The following LZTS1 variants were observed in gnomAD, a reference collection of about 807,000 sequenced individuals.
LZTS1 encodes the protein leucine zipper putative tumor suppressor 1.
A neutral mutation model predicts 45.8 loss-of-function variants in LZTS1; 31 were observed. That is an observed-to-expected ratio of 0.68 (90% CI 0.51 to 0.91). The LOEUF (loss-of-function observed/expected upper bound fraction) is 0.91. Ranked by LOEUF, LZTS1 falls within the 40% of genes least tolerant of loss-of-function variation. LZTS1 has a pLI of 0.00. For missense variants in LZTS1, 821 were observed against 788.9 expected, an observed-to-expected ratio of 1.04 and a Z score of -0.49; for synonymous variants, 359 against 357.3, an observed-to-expected ratio of 1.00 and a Z score of -0.05.
Position 20,253,562 on chromosome 8 carries a change from CCT to C in LZTS1, c.367_368del (p.Arg123AlafsTer114). 1 of 1,470,252 alleles carries C rather than the reference CCT, an allele frequency of 6.8e-7. No individual in the cohort carries two copies. The highest frequency in any genetic ancestry group is 9.0e-7 in the Non-Finnish European group (1 of 1,112,816). 91.1% of individuals were successfully genotyped at this position (1,470,252 alleles called of 1,614,324 possible). ...GCAGCACAGGCTTGAAGGCTGTGGG[CCT>C]CACTGCACCCTTCTCGGAGCCCTGT... Reference protein sequence around the residue: ...LEMGSEKGAVRPTAFKPVLPR... With the variant: ...LEMGSEKGAVXPTAFKPVLPR... On this transcript the variant is annotated frameshift_variant, in exon 3 of 4. Coordinates refer to ENST00000381569, the MANE Select transcript of LZTS1 (RefSeq NM_021020.5). LOFTEE classifies it high-confidence loss of function.
At chr8:20,283,063 G>C (rs2128897665) in intron 1 of LZTS1, among the ~76,000 whole-genome samples, 1 of 152,316 alleles carries the variant, frequency 6.6e-6, no homozygotes, top group South Asian at 2.1e-4. Flanking sequence ...GGCTTGAGAA[G>C]AGCTCTGGAG....
chr8:20,253,310 C>A lies in LZTS1; in HGVS notation c.621G>T (p.Gly207=). ...VTPVGPTSRF[G]GSAHNITQGI... ...CCTGGGTGATGTTGTGGGCGGAGCC[C>A]CCAAAACGGCTTGTGGGTCCCACGG... The change falls in exon 3 of 4, where the codon GGG becomes GGT. Residue 207 remains glycine, a synonymous_variant. Coordinates refer to ENST00000381569, the MANE Select transcript of LZTS1 (RefSeq NM_021020.5). The A allele has an allele frequency of 6.2e-7, 1 of 1,614,070 alleles. No individual in the cohort carries two copies. The highest frequency in any genetic ancestry group is 1.1e-5 in the South Asian group (1 of 91,090).
At chr8:20,265,314 G>C (rs563384595) in intron 1 of LZTS1, among the ~76,000 whole-genome samples, 1 of 152,110 alleles carries the variant, frequency 6.6e-6, no homozygotes, top group Non-Finnish European at 1.5e-5. Flanking sequence ...CCAGGGTAGC[G>C]GCATGGCAGG....
chr8:20,253,101 A>G lies in LZTS1; in HGVS notation c.830T>C (p.Leu277Pro). 6.2e-7 allele frequency: 1 copy of G among 1,610,514 alleles called. No homozygotes were observed. The highest frequency in any genetic ancestry group is 8.5e-7 in the Non-Finnish European group (1 of 1,178,758). ...EQKLLEREGA[L>P]QKLQRSFEEK... ...CTCAAAGCTGCGCTGCAGCTTCTGG[A>G]GGGCGCCCTCCCTCTCCAACAGCTT... Residue 277 changes from leucine to proline, a missense_variant, in exon 3 of 4, where the codon CTC (leucine) becomes CCC (proline). Physicochemically the swap from Leu to Pro is moderately conservative, Grantham distance 98. Transcript: ENST00000381569.
chr8:20,257,604 G>A (rs756809824), intron 1 of LZTS1, among the ~76,000 whole-genome samples: 13 of 152,072 alleles, frequency 8.5e-5, no homozygotes, highest in South Asian at 2.1e-4. Flanking sequence ...CTATGACATG[G>A]AAGGTAAACT....
At chr8:20,288,894 G>C (rs1192526628) in intron 1 of LZTS1, among the ~76,000 whole-genome samples, 1 of 151,840 alleles carries the variant, frequency 6.6e-6, no homozygotes, top group African/African-American at 2.4e-5. Context: ...CTGGAGCTAT[G>C]GGTAGTACCC....
At chr8:20,278,325 A>G (rs1800624025) in intron 1 of LZTS1, among the ~76,000 whole-genome samples, 1 of 152,170 alleles carries the variant, frequency 6.6e-6, no homozygotes, top group Non-Finnish European at 1.5e-5. Context: ...GCATGCACAC[A>G]ACTTCAGTAA....
chr8:20,271,124 CCAA>C (rs1359060444), intron 1 of LZTS1, among the ~76,000 whole-genome samples: 34 of 152,204 alleles, frequency 2.2e-4, no homozygotes, highest in African/African-American at 7.5e-4. Flanking sequence ...GTGGCCATTC[CCAA>C]CGAGTCTCTA....
chr8:20,252,989 G>A lies in LZTS1; in HGVS notation c.942C>T (p.Gly314=). 1 of 1,588,442 alleles carries A rather than the reference G, an allele frequency of 6.3e-7. No individual in the cohort carries two copies. Among genetic ancestry groups the A allele is most frequent in the Non-Finnish European group, 8.6e-7 (1 of 1,167,594 alleles). ...DELEGPEPKG[G]NKLKQASQKS... is the part of the protein sequence containing the mutation. ...TCTGCGAGGCCTGCTTGAGCTTGTT[G>A]CCGCCTTTGGGCTCCGGGCCCTCCA... The change falls in exon 3 of 4, where the codon GGC becomes GGT. Residue 314 remains glycine (G), a synonymous_variant. Transcript: ENST00000381569.
chr8:20,303,954 C>A lies in LZTS1; in HGVS notation c.-349G>T. On this transcript the variant is annotated 5_prime_UTR_variant, in exon 1 of 4. Coordinates refer to ENST00000381569, the MANE Select transcript of LZTS1 (RefSeq NM_021020.5). ...GCCAACCCGCCAGCTCCAGGCGCGC[C>A]GGCCTCTGCGCGGGTCCCGGAGCCG... The A allele has an allele frequency of 1.0e-6, 1 of 964,684 alleles. No individual in the cohort carries two copies. The highest frequency in any genetic ancestry group is 1.2e-6 in the Non-Finnish European group (1 of 812,524). The allele number at this position is 964,684 out of a possible 1,614,324, so 59.8% of individuals were successfully genotyped here.
chr8:20,287,552 C>T (rs746682329), intron 1 of LZTS1, among the ~76,000 whole-genome samples: 6 of 152,176 alleles, frequency 3.9e-5, no homozygotes, highest in Non-Finnish European at 7.3e-5. Context: ...GAATCTGTGC[C>T]GTCTTCAGGG....
rs564574121 is a variant in LZTS1 at position 20,261,080 on chromosome 8, A to G, written c.-134-5765T>C. On this transcript the variant is annotated intron_variant, in intron 1 of 3. Transcript: ENST00000381569. ...CCATAAGGACAGGGTCAACAGACAC[A>G]TTTTTATTTCTGGGAAACAAATTCC... 4.6e-5 allele frequency among the ~76,000 whole-genome samples: 7 copies of G among 152,256 alleles called. No homozygotes were observed. In the South Asian group the frequency reaches 1.4e-3, roughly 32 times the overall value.
In LZTS1 at chr8:20,255,093, T is replaced by C. The variant is rs1319296477; in HGVS notation, c.89A>G (p.His30Arg). 1 of 1,613,996 alleles carries C rather than the reference T, an allele frequency of 6.2e-7. No individual in the cohort carries two copies. Among genetic ancestry groups the C allele is most frequent in the Middle Eastern group, 1.6e-4 (1 of 6,062 alleles). Reference protein sequence around the residue: ...ASQYKLRKSSHLKKLNRYSDG... With the variant: ...ASQYKLRKSSRLKKLNRYSDG... ...GGAATACCGGTTGAGCTTCTTGAGGTGGGAGGACTTGCGCAGCTTGTACTG... is the reference window on the plus strand; with the variant it reads ...GGAATACCGGTTGAGCTTCTTGAGGCGGGAGGACTTGCGCAGCTTGTACTG... The change falls in exon 2 of 4, where the codon CAC becomes CGC. Residue 30 changes from histidine (H) to arginine (R), a missense_variant. Transcript: ENST00000381569.
intron 1 of LZTS1, among the ~76,000 whole-genome samples, chr8:20,301,120 CAAAAAAAAAAA>C (rs71222143): frequency 2.2e-4 from 24 of 107,148 alleles, no homozygotes; most frequent in African/African-American, 6.8e-4. Flanking sequence ...GACTCCGTCT[CAAAAAAAAAAA>C]AAAAAAAAAA....
chr8:20,295,245 C>T (rs1266612904), intron 1 of LZTS1, among the ~76,000 whole-genome samples: 1 of 152,224 alleles, frequency 6.6e-6, no homozygotes, highest in Non-Finnish European at 1.5e-5. Flanking sequence ...CAGGAGAGCC[C>T]ATGTGCCAGG....
chr8:20,253,606 G>A (rs1027253816), intron 2 of LZTS1, 21 bp from the exon 3 acceptor site: 19 of 1,431,374 alleles, frequency 1.3e-5, no homozygotes, highest in East Asian at 2.5e-5. Flanking sequence ...AAAGGACCGC[G>A]GTGACTCATG....
At chr8:20,268,988 G>T (rs1800421509) in intron 1 of LZTS1, among the ~76,000 whole-genome samples, 1 of 152,152 alleles carries the variant, frequency 6.6e-6, no homozygotes, top group Non-Finnish European at 1.5e-5. Context: ...AGCTGCCGGG[G>T]AGTCTTCCTC....
At chr8:20,271,105 A>T (rs778313647) in intron 1 of LZTS1, among the ~76,000 whole-genome samples, 79 of 152,138 alleles carry the variant, frequency 5.2e-4, no homozygotes, top group Non-Finnish European at 1.5e-4. Flanking sequence ...TGCACAAGCC[A>T]GGAAGCCTGT....
intron 1 of LZTS1, among the ~76,000 whole-genome samples, chr8:20,265,521 T>TA (rs1269292001): frequency 1.1e-4 from 17 of 151,252 alleles, no homozygotes; most frequent in Admixed American, 2.6e-4. Context: ...AAAGATTTTT[T>TA]AAAAAAATGA....
Sources: gnomAD v4.1 joint callset for allele counts (sites outside exome capture counted in the v4.1 genomes callset) on GRCh38, gnomAD v4.1.1 for gene constraint, MANE v1.5 for transcripts, NCBI Gene and HGNC (gene_info 2026-07-23, HGNC 2026-07-21) for gene names.